Variants in TRPM3 observed in about 807,000 individuals in gnomAD.
TRPM3 encodes the protein transient receptor potential cation channel subfamily M member 3, also known as long transient receptor potential channel 3.
In TRPM3, 77 loss-of-function variants were observed where a neutral mutation model predicts 181.2. The observed-to-expected ratio is 0.42, with a 90% CI of 0.35 to 0.51. TRPM3 has a LOEUF of 0.51. TRPM3 is among the 20% of genes least tolerant of loss of function. The pLI, the probability that TRPM3 is intolerant of heterozygous loss-of-function variation, is 0.01. For missense variants in TRPM3, 1,759 were observed against 2,196.7 expected (o/e 0.80, Z 3.98); for synonymous variants, 745 against 796.4 (o/e 0.94, Z 1.09).
At chr9:70,648,237 G>A (rs771020658) in intron 9 of TRPM3, among the ~76,000 whole-genome samples, 24 of 152,172 alleles carry the variant, frequency 1.6e-4, no homozygotes, top group Non-Finnish European at 2.6e-4. Flanking sequence ...CATTTTGGGA[G>A]ATGGAGGCAG....
At chr9:71,166,016 A>G (rs1031006072) in intron 1 of TRPM3, among the ~76,000 whole-genome samples, 8 of 152,168 alleles carry the variant, frequency 5.3e-5, no homozygotes, top group African/African-American at 1.7e-4. Flanking sequence ...TCAGTGAGGC[A>G]GTCCCTTCCA....
intron 8 of TRPM3, among the ~76,000 whole-genome samples, chr9:70,755,957 C>A (rs560015050): frequency 3.3e-5 from 5 of 152,078 alleles, no homozygotes; most frequent in Admixed American, 3.3e-4. Flanking sequence ...ATAACAGGAT[C>A]AAATTCACAT....
At chr9:71,357,059 G>T (rs1244331474) in intron 1 of TRPM3, among the ~76,000 whole-genome samples, 1 of 152,174 alleles carries the variant, frequency 6.6e-6, no homozygotes, top group African/African-American at 2.4e-5. Flanking sequence ...TAAAAGGACA[G>T]CAGAGTATGT....
chr9:71,129,525 C>T (rs558627024), intron 1 of TRPM3, among the ~76,000 whole-genome samples: 1 of 152,104 alleles, frequency 6.6e-6, no homozygotes, highest in Non-Finnish European at 1.5e-5. Flanking sequence ...GTAAAGTCTA[C>T]AGTATTGTTA....
intron 1 of TRPM3, among the ~76,000 whole-genome samples, chr9:71,156,420 C>CACA (rs778160040): frequency 0.046 from 6,470 of 140,002 alleles, 153 homozygotes; most frequent in East Asian, 0.059. Flanking sequence ...CACACACACA[C>CACA]AAGGCTTATC....
intron 1 of TRPM3, among the ~76,000 whole-genome samples, chr9:70,865,715 G>T (rs1170141091): frequency 6.6e-6 from 1 of 152,060 alleles, no homozygotes; most frequent in Non-Finnish European, 1.5e-5. Context: ...CAAGCATGTG[G>T]CACCGAAGGC....
intron 22 of TRPM3, among the ~76,000 whole-genome samples, chr9:70,570,790 A>G (rs1343567662): frequency 6.6e-6 from 1 of 152,226 alleles, no homozygotes; most frequent in Admixed American, 6.5e-5. Context: ...CCACCGAATC[A>G]TTTGAGATCA....
chr9:71,034,079 C>T (rs1221602483), intron 1 of TRPM3, among the ~76,000 whole-genome samples: 1 of 152,146 alleles, frequency 6.6e-6, no homozygotes. Context: ...GACAGTGGCC[C>T]CAGCTGGGAA....
At chr9:71,071,598 G>T (rs1213735964) in intron 1 of TRPM3, among the ~76,000 whole-genome samples, 1 of 152,176 alleles carries the variant, frequency 6.6e-6, no homozygotes, top group Non-Finnish European at 1.5e-5. Context: ...CTTTGCTAAA[G>T]ATTCCTAATT....
At chr9:71,280,308 A>G (rs2084604657) in intron 1 of TRPM3, among the ~76,000 whole-genome samples, 1 of 152,156 alleles carries the variant, frequency 6.6e-6, no homozygotes. Flanking sequence ...TTCATTAGGG[A>G]AGTCTCATTA....
At chr9:71,082,009 C>T (rs2064434011) in intron 1 of TRPM3, among the ~76,000 whole-genome samples, 1 of 152,098 alleles carries the variant, frequency 6.6e-6, no homozygotes, top group African/African-American at 2.4e-5. Flanking sequence ...GATGTAACAA[C>T]CTCAATGTTT....
intron 8 of TRPM3, among the ~76,000 whole-genome samples, chr9:70,739,174 A>G (rs572968000): frequency 8.5e-5 from 13 of 152,302 alleles, no homozygotes; most frequent in African/African-American, 3.1e-4. Context: ...TGACATAACA[A>G]AAAAGGAAAA....
At chr9:70,634,835 G>A (rs1000959055) in intron 12 of TRPM3, among the ~76,000 whole-genome samples, 7 of 152,134 alleles carry the variant, frequency 4.6e-5, no homozygotes, top group African/African-American at 1.7e-4. Flanking sequence ...ATTGTATCAG[G>A]AGCTGGTGAA....
At chr9:71,028,108 G>A (rs1053467314) in intron 1 of TRPM3, among the ~76,000 whole-genome samples, 2 of 152,186 alleles carry the variant, frequency 1.3e-5, no homozygotes, top group African/African-American at 4.8e-5. Flanking sequence ...TAGACTAGCA[G>A]CAGGCATCTT....
chr9:71,109,616 A>G (rs1217055457), intron 1 of TRPM3, among the ~76,000 whole-genome samples: 1 of 152,188 alleles, frequency 6.6e-6, no homozygotes, highest in Non-Finnish European at 1.5e-5. Flanking sequence ...CATTTTGAGA[A>G]TTGGCCGTTT....
At chr9:70,978,688 G>A (rs1026822349) in intron 1 of TRPM3, among the ~76,000 whole-genome samples, 5 of 152,226 alleles carry the variant, frequency 3.3e-5, no homozygotes, top group South Asian at 4.1e-4. Flanking sequence ...ATGTGCCGTC[G>A]GCATAATTTA....
intron 1 of TRPM3, among the ~76,000 whole-genome samples, chr9:70,924,421 T>C (rs1001782364): frequency 2.0e-5 from 3 of 152,202 alleles, no homozygotes; most frequent in Non-Finnish European, 2.9e-5. Flanking sequence ...GTTTATCATG[T>C]GACTTATTTA....
chr9:70,598,300 C>T (rs955119480), intron 21 of TRPM3, 119 bp downstream of exon 21: 1 of 1,347,160 alleles, frequency 7.4e-7, no homozygotes, highest in Non-Finnish European at 1.0e-6. Context: ...AAATAAAACA[C>T]CTCTAGGGCC....
At chr9:71,285,098 C>CT (rs1226826560) in intron 1 of TRPM3, among the ~76,000 whole-genome samples, 1 of 152,170 alleles carries the variant, frequency 6.6e-6, no homozygotes, top group East Asian at 1.9e-4. Flanking sequence ...GGAAAGAACT[C>CT]TAGTAATGTG....
Sources: gnomAD v4.1 joint callset for allele counts (sites outside exome capture counted in the v4.1 genomes callset) on GRCh38, gnomAD v4.1.1 for gene constraint, MANE v1.5 for transcripts, NCBI Gene and HGNC (gene_info 2026-07-23, HGNC 2026-07-21) for gene names.